The following ADGRB1 variants were observed in gnomAD, a reference collection of about 807,000 sequenced individuals.
ADGRB1 encodes the protein adhesion G protein-coupled receptor B1, also known as brain-specific angiogenesis inhibitor 1.
Under a neutral mutation model 175.7 loss-of-function variants are expected in ADGRB1, and 36 were observed. The ratio of observed to expected loss-of-function variants is 0.20; its 90% CI spans 0.16 to 0.27. ADGRB1 has a LOEUF of 0.27. Among genes scored for constraint, ADGRB1 ranks in the 10% least tolerant of loss-of-function variants. ADGRB1 has a pLI of 1.00. For missense variants in ADGRB1, 1,731 were observed against 2,255.3 expected (o/e 0.77, Z 4.71); for synonymous variants, 1,054 against 979.4 (o/e 1.08, Z -1.42).
At chr8:142,538,220 C>T (rs1342254315) in intron 26 of ADGRB1, among the ~76,000 whole-genome samples, 2 of 152,226 alleles carry the variant, frequency 1.3e-5, no homozygotes, top group Non-Finnish European at 2.9e-5. Context: ...GTGAACTCTG[C>T]ACGGCTGGTG....
At chr8:142,483,923 C>T (rs369088946) in intron 11 of ADGRB1, 54 bp from the exon 12 acceptor site, 58 of 1,582,322 alleles carry the variant, frequency 3.7e-5, no homozygotes, top group East Asian at 2.2e-4. Flanking sequence ...TCACAGTGAA[C>T]GGTGATTTTG....
At chr8:142,465,606 C>T (rs1840234748) in intron 2 of ADGRB1, among the ~76,000 whole-genome samples, 1 of 151,992 alleles carries the variant, frequency 6.6e-6, no homozygotes, top group African/African-American at 2.4e-5. Context: ...CCTCCAGAGC[C>T]CTGCTCTCAG....
chr8:142,477,654 C>T (rs1247801625), intron 6 of ADGRB1, 105 bp downstream of exon 6: 3 of 1,395,882 alleles, frequency 2.1e-6, no homozygotes, highest in African/African-American at 2.9e-5. Context: ...ACTCCAGACC[C>T]ACCTCAGGGT....
Position 142,499,230 on chromosome 8 carries a change from G to A in ADGRB1, c.2675+8415G>A, listed in dbSNP as rs555350084. 3.3e-5 allele frequency among the ~76,000 whole-genome samples: 5 copies of A among 152,270 alleles called. No homozygotes were observed. In the South Asian group the frequency reaches 1.0e-3, roughly 32 times the overall value. ...GCTGTGGGTGACTTTCTCCAGCCCCGGCCCTGTTCCTCACTGGCAGGGTGG... is the reference window on the plus strand; with the variant it reads ...GCTGTGGGTGACTTTCTCCAGCCCCAGCCCTGTTCCTCACTGGCAGGGTGG... On this transcript the variant is annotated intron_variant, in intron 17 of 30. Coordinates refer to ENST00000517894, the MANE Select transcript of ADGRB1 (RefSeq NM_001702.3).
intron 17 of ADGRB1, among the ~76,000 whole-genome samples, chr8:142,496,190 T>G (rs181538797): frequency 3.2e-4 from 48 of 149,690 alleles, no homozygotes; most frequent in African/African-American, 1.1e-3. Context: ...AATGTGTGGA[T>G]GGAGGTATGG....
At chr8:142,521,808 C>T (rs887715989) in intron 20 of ADGRB1, among the ~76,000 whole-genome samples, 157 bp from the exon 21 acceptor site, 1 of 152,230 alleles carries the variant, frequency 6.6e-6, no homozygotes, top group African/African-American at 2.4e-5. Context: ...AGGGCAAGGA[C>T]CAGGTGATCT....
chr8:142,464,320 A>G lies in ADGRB1; in HGVS notation c.122A>G (p.Glu41Gly). ...AAGADAGPGPEPCATLVQGKF... is the reference protein window; with the variant it reads ...AAGADAGPGPGPCATLVQGKF... ...GGAGCAGACGCGGGGCCCGGGCCCG[A>G]GCCGTGCGCCACGCTGGTGCAGGGA... Residue 41 changes from glutamate to glycine, a missense_variant, in exon 2 of 31, where the codon GAG becomes GGG. Physicochemically the swap from Glu to Gly is moderately conservative, Grantham distance 98. This residue lies in a region of ADGRB1 where 383 missense variants were observed against 383.1 expected (regional missense o/e 1.00). Coordinates refer to ENST00000517894, the MANE Select transcript of ADGRB1 (RefSeq NM_001702.3). The G allele has an allele frequency of 6.7e-7, 1 of 1,488,482 alleles. No homozygotes were observed. The highest frequency in any genetic ancestry group is 8.9e-7 in the Non-Finnish European group (1 of 1,125,866). The allele number at this position is 1,488,482 out of a possible 1,614,324, so 92.2% of individuals were successfully genotyped here.
chr8:142,508,559 G>A (rs1300795040), intron 17 of ADGRB1, among the ~76,000 whole-genome samples: 1 of 152,332 alleles, frequency 6.6e-6, no homozygotes, highest in East Asian at 1.9e-4. Context: ...GGAGAGGGTG[G>A]AAGGGTCTCT....
intron 19 of ADGRB1, among the ~76,000 whole-genome samples, chr8:142,520,377 G>C (rs1843728616): frequency 7.6e-6 from 1 of 131,826 alleles, no homozygotes; most frequent in Non-Finnish European, 1.6e-5. Context: ...TGATGGTGGT[G>C]GTGGTGATGG....
At chr8:142,520,212 A>ATGGTGG (rs755543270) in intron 19 of ADGRB1, among the ~76,000 whole-genome samples, 1 of 67,308 alleles carries the variant, frequency 1.5e-5, no homozygotes, top group African/African-American at 5.8e-5. Flanking sequence ...GATTATGGTG[A>ATGGTGG]TGGTGGTGGT....
chr8:142,465,131 G>T lies in ADGRB1; in HGVS notation c.784+149G>T, dbSNP rs867257042. 6.9e-6 allele frequency: 7 copies of T among 1,008,610 alleles called. 1 individual carries two copies. Among genetic ancestry groups the T allele is most frequent in the Middle Eastern group, 3.3e-4 (1 of 3,040 alleles). 62.5% of individuals were successfully genotyped at this position (1,008,610 alleles called of 1,614,324 possible). On this transcript the variant is annotated intron_variant, in intron 2 of 30. Coordinates refer to ENST00000517894, the MANE Select transcript of ADGRB1 (RefSeq NM_001702.3). ...TGGGTGGGTAGGGGAGGTGGACCGG[G>T]GTCTTCTTCCGCAGGGCTGCCCTGC...
intron 11 of ADGRB1, 146 bp from the exon 12 acceptor site, chr8:142,483,831 C>T: frequency 1.2e-6 from 1 of 836,080 alleles, no homozygotes; most frequent in Non-Finnish European, 2.0e-6. Flanking sequence ...ACAGTGAGCT[C>T]TGACCCTGGT....
chr8:142,521,974 A>G lies in ADGRB1; in HGVS notation c.3034A>G (p.Thr1012Ala). The change falls in exon 21 of 31, where the codon ACG (threonine) becomes GCG (alanine). Residue 1012 changes from threonine (T) to alanine (A), a missense_variant. This residue lies in a region of ADGRB1 where 301 missense variants were observed against 488.4 expected (regional missense o/e 0.62). Coordinates refer to ENST00000517894, the MANE Select transcript of ADGRB1 (RefSeq NM_001702.3). ...QTQTRNKVVC[T>A]LVAAFLHFFF... Reference sequence around the variant, plus strand: ...CCTGGGCCCCACACAGGTGGTGTGCACGCTGGTGGCCGCCTTCCTGCACTT... The same window carrying G: ...CCTGGGCCCCACACAGGTGGTGTGCGCGCTGGTGGCCGCCTTCCTGCACTT... 2 of 1,594,228 alleles carry G rather than the reference A, an allele frequency of 1.3e-6. No individual in the cohort carries two copies. The highest frequency in any genetic ancestry group is 1.7e-6 in the Non-Finnish European group (2 of 1,171,588).
chr8:142,454,518 C>T (rs949366261), intron 1 of ADGRB1, among the ~76,000 whole-genome samples: 9 of 152,194 alleles, frequency 5.9e-5, no homozygotes, highest in Non-Finnish European at 1.3e-4. Context: ...AGGTTCAGAC[C>T]TACAGACCGC....
rs1265020458 is a variant in ADGRB1 at position 142,455,540 on chromosome 8, C to T, written c.-220+5436C>T. Among the ~76,000 whole-genome samples, 2 of 152,170 alleles carry T rather than the reference C, an allele frequency of 1.3e-5. No homozygotes were observed. The highest frequency in any genetic ancestry group is 2.9e-5 in the Non-Finnish European group (2 of 68,038). On this transcript the variant is annotated intron_variant, in intron 1 of 30. Coordinates refer to ENST00000517894, the MANE Select transcript of ADGRB1 (RefSeq NM_001702.3). The surrounding 1 kb of genome is among the most constrained non-coding windows in gnomAD (Gnocchi z 4.9). ...AGCCCACCAGGCAACTGGGCTGTCC[C>T]GGCCCAGCACAGCTGAGGTCAGGAG...
Position 142,464,303 on chromosome 8 carries a change from C to G in ADGRB1, c.105C>G (p.Asp35Glu), listed in dbSNP as rs572320691. 2.1e-6 allele frequency: 3 copies of G among 1,402,358 alleles called. No individual in the cohort carries two copies. Among genetic ancestry groups the G allele is most frequent in the Non-Finnish European group, 2.8e-6 (3 of 1,086,738 alleles). The allele number at this position is 1,402,358 out of a possible 1,614,324, so 86.9% of individuals were successfully genotyped here. A position where few individuals can be genotyped will look rare whatever the true frequency, so the allele number is the denominator to read the frequency against. Residue 35 changes from aspartate (D) to glutamate (E), a missense_variant, in exon 2 of 31, where the codon GAC becomes GAG. By Grantham distance (45) the Asp-to-Glu change is conservative. Around this residue, in one of 8 missense-constraint regions of ADGRB1, gnomAD observed 383 missense variants for 383.1 expected, o/e 1.00. Coordinates refer to ENST00000517894, the MANE Select transcript of ADGRB1 (RefSeq NM_001702.3). ...GRRARAAAGADAGPGPEPCAT... is the reference protein window; with the variant it reads ...GRRARAAAGAEAGPGPEPCAT... The stretch of plus-strand genomic sequence containing the variant: ...GCGCGCGGGCGGCCGCCGGAGCAGA[C>G]GCGGGGCCCGGGCCCGAGCCGTGCG...
At chr8:142,482,748 A>G (rs1280136181) in intron 11 of ADGRB1, among the ~76,000 whole-genome samples, 1 of 139,122 alleles carries the variant, frequency 7.2e-6, no homozygotes, top group Non-Finnish European at 1.5e-5. Context: ...TCACACGCTG[A>G]GCTCTGGTCA....
rs949487905 is a variant in ADGRB1, at chr8:142,492,282, C to T, written c.2675+1467C>T. 2.0e-5 allele frequency among the ~76,000 whole-genome samples: 3 copies of T among 152,180 alleles called. No individual in the cohort carries two copies. The highest frequency in any genetic ancestry group is 4.4e-5 in the Non-Finnish European group (3 of 68,034). On this transcript the variant is annotated intron_variant, in intron 17 of 30. Coordinates refer to ENST00000517894, the MANE Select transcript of ADGRB1 (RefSeq NM_001702.3). This position sits in a 1 kb window ranked among gnomAD's most constrained non-coding sequence, Gnocchi z 4.4. ...CGCCCACTGCTCACCACCCTTCCTC[C>T]GGCGGTCACTACCCTCTGATGGGCA...
chr8:142,498,162 C>A (rs372716410), intron 17 of ADGRB1, among the ~76,000 whole-genome samples: 11 of 152,164 alleles, frequency 7.2e-5, no homozygotes, highest in African/African-American at 1.4e-4. Context: ...TGCCCCCCTA[C>A]CCCTGTCTCT....
Sources: allele counts gnomAD v4.1 joint callset (sites outside exome capture counted in the v4.1 genomes callset), GRCh38; gene constraint gnomAD v4.1.1; regional missense constraint gnomAD v4.1.1; non-coding constraint Gnocchi (gnomAD v3.1); transcripts MANE v1.5; gene names NCBI Gene and HGNC (gene_info 2026-07-23, HGNC 2026-07-21).